The following SKIL variants were observed in gnomAD, a reference collection of about 807,000 sequenced individuals.
The protein encoded by SKIL is SKI like proto-oncogene, also known as ski-like protein.
In SKIL, 20 loss-of-function variants were observed where a neutral mutation model predicts 69.6. The observed-to-expected ratio is 0.29, with a 90% CI of 0.20 to 0.42. The LOEUF is 0.42. SKIL is among the 10% of genes least tolerant of loss of function. The pLI is 1.00. For missense variants in SKIL, 745 were observed against 783.1 expected, an observed-to-expected ratio of 0.95 and a Z score of 0.58; for synonymous variants, 310 against 279.9, an observed-to-expected ratio of 1.11 and a Z score of -1.08.
intron 4 of SKIL, among the ~76,000 whole-genome samples, chr3:170,386,123 T>G (rs142451371): frequency 1.4e-3 from 207 of 149,354 alleles, no homozygotes; most frequent in African/African-American, 4.3e-3. Flanking sequence ...TTTCTGGTTT[T>G]TTTGTTTGTT....
At position 170,384,552 on chromosome 3, in the gene SKIL, G is replaced by A. The variant is rs755304469; in HGVS notation, c.1216G>A (p.Asp406Asn). ...TTTCAGCTACTACTTATACATGTGT[G>A]ATAAAGTGGTTGCCCCAAATGTGTC... ...LHPSYYLYMC[D>N]KVVAPNVSLT... The change falls in exon 4 of 7, where the codon GAT (aspartate) becomes AAT (asparagine). Residue 406 changes from aspartate (D) to asparagine (N), a missense_variant. By Grantham distance (23) the Asp-to-Asn change is conservative. Coordinates refer to ENST00000259119, the MANE Select transcript of SKIL (RefSeq NM_005414.5). 1 of 1,593,704 alleles carries A rather than the reference G, an allele frequency of 6.3e-7. No individual in the cohort carries two copies. The highest frequency in any genetic ancestry group is 2.2e-5 in the East Asian group (1 of 44,770).
chr3:170,365,752 C>A (rs899355523), intron 2 of SKIL, among the ~76,000 whole-genome samples: 1 of 106,498 alleles, frequency 9.4e-6, no homozygotes, highest in African/African-American at 4.0e-5. Context: ...TCAAACTAGG[C>A]TTTTTTTTTT....
At chr3:170,390,936 G>A in intron 5 of SKIL, 100 bp from the exon 6 acceptor site, 1 of 652,184 alleles carries the variant, frequency 1.5e-6, no homozygotes. Flanking sequence ...GATAATGATA[G>A]CTGAATTTTA....
At chr3:170,378,831 G>A (rs1257657044) in intron 2 of SKIL, among the ~76,000 whole-genome samples, 1 of 148,692 alleles carries the variant, frequency 6.7e-6, no homozygotes, top group Non-Finnish European at 1.5e-5. Flanking sequence ...TGCTGCACCC[G>A]ACCAGAATTG....
chr3:170,387,933 C>CAAAAAAAA (rs541166783), intron 4 of SKIL, among the ~76,000 whole-genome samples: 16 of 51,028 alleles, frequency 3.1e-4, no homozygotes, highest in Middle Eastern at 0.013. Context: ...GACTCCGTCT[C>CAAAAAAAA]AAAAAAAAAA....
chr3:170,362,628 A>G (rs1560206271), intron 2 of SKIL, among the ~76,000 whole-genome samples: 1 of 151,906 alleles, frequency 6.6e-6, no homozygotes, highest in Non-Finnish European at 1.5e-5. Flanking sequence ...CAGCCTGGCC[A>G]ACATGGTAAA....
At chr3:170,358,101 G>A (rs1736026008) in intron 1 of SKIL, among the ~76,000 whole-genome samples, 1 of 152,164 alleles carries the variant, frequency 6.6e-6, no homozygotes. Flanking sequence ...CAGTCCAGCA[G>A]CGCTCCGCGG....
At chr3:170,361,548 A>G (rs1736234233) in intron 2 of SKIL, 119 bp downstream of exon 2, 1 of 790,048 alleles carries the variant, frequency 1.3e-6, no homozygotes, top group African/African-American at 1.7e-5. Flanking sequence ...ACAACAAAAT[A>G]CCGATTGATA....
chr3:170,390,506 C>G, intron 5 of SKIL, 42 bp downstream of exon 5: 1 of 1,536,422 alleles, frequency 6.5e-7, no homozygotes, highest in Non-Finnish European at 9.0e-7. Context: ...TGAAAAGATA[C>G]TTTTGTATAT....
At position 170,392,859 on chromosome 3, in the gene SKIL, CATT is replaced by C. The variant is rs1737995432; in HGVS notation, c.*444_*446del. ...CAAGGAGTTGAATCTCCCCTTTTCT[CATT>C]AACACAATTTTTCTAAGTTGATATG... On this transcript the variant is annotated 3_prime_UTR_variant, in exon 7 of 7. Coordinates refer to ENST00000259119, the MANE Select transcript of SKIL (RefSeq NM_005414.5). 6.6e-6 allele frequency: 1 copy of C among 152,468 alleles called. No individual in the cohort carries two copies. Among genetic ancestry groups the C allele is most frequent in the Non-Finnish European group, 1.5e-5 (1 of 68,254 alleles). 9.4% of individuals were successfully genotyped at this position (152,468 alleles called of 1,614,324 possible). A position where few individuals can be genotyped will look rare whatever the true frequency, so the allele number is the denominator to read the frequency against.
At chr3:170,366,992 C>G (rs577270085) in intron 2 of SKIL, among the ~76,000 whole-genome samples, 61 of 152,132 alleles carry the variant, frequency 4.0e-4, no homozygotes, top group Non-Finnish European at 7.6e-4. Flanking sequence ...AAAAAAAGAT[C>G]AACAGGCAAA....
chr3:170,381,848 G>A (rs1326698766), intron 3 of SKIL, among the ~76,000 whole-genome samples: 4 of 152,006 alleles, frequency 2.6e-5, no homozygotes, highest in African/African-American at 9.7e-5. Context: ...TTGGGAGGCC[G>A]AGGTGGGTGG....
At chr3:170,367,417 T>G (rs558894854) in intron 2 of SKIL, among the ~76,000 whole-genome samples, 2 of 150,938 alleles carry the variant, frequency 1.3e-5, no homozygotes, top group East Asian at 3.9e-4. Context: ...TATTGTAGCA[T>G]GTGGCTGACA....
intron 2 of SKIL, among the ~76,000 whole-genome samples, chr3:170,372,294 G>A (rs1031545194): frequency 1.3e-5 from 2 of 152,156 alleles, no homozygotes; most frequent in Non-Finnish European, 2.9e-5. Flanking sequence ...TGCATTTTCT[G>A]TGAGCATTTT....
rs1379679441 is a variant in SKIL, at chr3:170,392,285, C to T, written c.1923C>T (p.Asp641=). Residue 641 remains aspartate (D), a synonymous_variant, in exon 7 of 7, where the codon GAC becomes GAT. Coordinates refer to ENST00000259119, the MANE Select transcript of SKIL (RefSeq NM_005414.5). ...GQLAELRQRL[D]HAEADRQELQ... is the part of the protein sequence containing the mutation. ...TGGCAGAACTGAGGCAGAGATTGGA[C>T]CATGCTGAGGCCGATAGGCAAGAAC... 5 of 1,610,880 alleles carry T rather than the reference C, an allele frequency of 3.1e-6. No individual in the cohort carries two copies. The highest frequency in any genetic ancestry group is 1.3e-5 in the African/African-American group (1 of 74,772).
chr3:170,373,115 G>GC (rs1736868360), intron 2 of SKIL, among the ~76,000 whole-genome samples: 2 of 151,222 alleles, frequency 1.3e-5, no homozygotes, highest in Admixed American at 6.6e-5. Context: ...TCTTGTTGCA[G>GC]CCCCCTCGGT....
chr3:170,361,104 C>G lies in SKIL; in HGVS notation c.773C>G (p.Thr258Ser), dbSNP rs201881800. The change falls in exon 2 of 7, where the codon ACT (threonine) becomes AGT (serine). Residue 258 changes from threonine to serine, a missense_variant. Physicochemically the swap from Thr to Ser is moderately conservative, Grantham distance 58. Transcript: ENST00000259119. ...AKSSLAQLKE[T>S]GSAFEVEHEC... ...AGCTCATTGGCCCAGTTAAAGGAAA[C>G]TGGCAGTGCCTTTGAAGTGGAGCAT... 1.8e-4 allele frequency: 284 copies of G among 1,614,110 alleles called. 1 individual carries two copies. In the Middle Eastern group the frequency reaches 8.9e-3, roughly 50 times the overall value.
intron 1 of SKIL, chr3:170,358,784 C>T (rs916998326): frequency 6.6e-6 from 1 of 152,110 alleles, no homozygotes; most frequent in South Asian, 2.1e-4. Flanking sequence ...GTTTGTCTGC[C>T]TTGTGCTTTT....
chr3:170,380,901 C>CA (rs1737309814), intron 2 of SKIL, among the ~76,000 whole-genome samples: 1 of 151,964 alleles, frequency 6.6e-6, no homozygotes, highest in Non-Finnish European at 1.5e-5. Context: ...AATCATGGTT[C>CA]ACTGCAAGCC....
Sources: allele counts gnomAD v4.1 joint callset (sites outside exome capture counted in the v4.1 genomes callset), GRCh38; gene constraint gnomAD v4.1.1; transcripts MANE v1.5; gene names NCBI Gene and HGNC (gene_info 2026-07-23, HGNC 2026-07-21).